The following ERCC6 variants were observed in gnomAD, a reference collection of about 807,000 sequenced individuals.
The protein encoded by ERCC6 is ERCC excision repair 6, chromatin remodeling factor.
ERCC6 carries 116 observed loss-of-function variants against 158.7 expected under a neutral mutation model. The ratio of observed to expected loss-of-function variants is 0.73; its 90% confidence interval spans 0.63 to 0.85. The LOEUF (loss-of-function observed/expected upper bound fraction) is 0.85, where lower values mean the gene tolerates loss of function less well. ERCC6 is among the 40% of genes least tolerant of loss of function. The probability of loss-of-function intolerance (pLI) is 0.00; values close to 1 mark genes in which losing one functional copy is unlikely to be tolerated. For synonymous variants in ERCC6, 678 were observed against 659.3 expected (o/e 1.03, Z -0.43); for missense variants, 1,698 against 1,799.4 (o/e 0.94, Z 1.02).
intron 5 of ERCC6, among the ~76,000 whole-genome samples, chr10:49,511,048 A>G (rs17177522): frequency 0.065 from 9,826 of 152,114 alleles, 432 homozygotes; most frequent in Middle Eastern, 0.11. Context: ...AAAGCTCATC[A>G]TTTTGAACAA....
At chr10:49,472,006 A>C (rs1850789818) in intron 16 of ERCC6, among the ~76,000 whole-genome samples, 1 of 152,250 alleles carries the variant, frequency 6.6e-6, no homozygotes, top group African/African-American at 2.4e-5. Flanking sequence ...CTACCTGCAT[A>C]ATGTGGTATG....
chr10:49,475,544 A>G (rs1255122484), intron 12 of ERCC6: 1 of 363,742 alleles, frequency 2.7e-6, no homozygotes, highest in Non-Finnish European at 5.5e-6. Context: ...AGAGATGGTT[A>G]AAAGAACTGA....
Position 49,458,038 on chromosome 10 carries a change from G to T in ERCC6, c.*777C>A, listed in dbSNP as rs1322256136. On this transcript the variant is annotated 3_prime_UTR_variant, in exon 21 of 21. Coordinates refer to ENST00000355832, the MANE Select transcript of ERCC6 (RefSeq NM_000124.4). ...CTGTGGGCTGCAGTGATGTTTGTGT[G>T]CATGCATGTGTGTGGTTTTTATGTA... 1 of 152,290 alleles carries T rather than the reference G, an allele frequency of 6.6e-6. No individual in the cohort carries two copies. Among genetic ancestry groups the T allele is most frequent in the Non-Finnish European group, 1.5e-5 (1 of 68,088 alleles). 9.4% of individuals were successfully genotyped at this position (152,290 alleles called of 1,614,324 possible). A position where few individuals can be genotyped will look rare whatever the true frequency, so the allele number is the denominator to read the frequency against.
At chr10:49,441,046 G>C in the ERCC6 span, among the ~76,000 whole-genome samples, 1 of 152,348 alleles carries the variant, frequency 6.6e-6, no homozygotes, top group African/African-American at 2.4e-5. Context: ...AGAGAAGTCA[G>C]TTGGAGAAAA....
At chr10:49,518,655 C>T (rs2132607151) in intron 5 of ERCC6, among the ~76,000 whole-genome samples, 1 of 152,236 alleles carries the variant, frequency 6.6e-6, no homozygotes, top group East Asian at 1.9e-4. Context: ...AACAGTCATT[C>T]TACTTGGCTT....
At position 49,458,904 on chromosome 10, in the gene ERCC6, C is replaced by T. The variant is rs201813523; in HGVS notation, c.4393G>A (p.Val1465Ile). The change falls in exon 21 of 21, where the codon GTC becomes ATC. Residue 1465 changes from valine to isoleucine, a missense_variant. Coordinates refer to ENST00000355832, the MANE Select transcript of ERCC6 (RefSeq NM_000124.4). ...AGATTTCTCAATAGTTCTCGGAAGA[C>T]ACAAGACTGTGATGCAGATAACTTG... ...ESKLSASQSC[V>I]FRELLRNLCT... is the part of the protein sequence containing the mutation. 165 of 1,614,150 alleles carry T rather than the reference C, an allele frequency of 1.0e-4. No individual in the cohort carries two copies. The highest frequency in any genetic ancestry group is 2.7e-4 in the Admixed American group (16 of 60,028).
At chr10:49,461,736 A>T (rs1039220137) in intron 18 of ERCC6, among the ~76,000 whole-genome samples, 180 bp from the exon 19 acceptor site, 1 of 152,246 alleles carries the variant, frequency 6.6e-6, no homozygotes, top group Admixed American at 6.5e-5. Context: ...AAAATATAAA[A>T]TTCACACACA....
chr10:49,503,592 C>A (rs1208243792), intron 6 of ERCC6: 1 of 152,062 alleles, frequency 6.6e-6, no homozygotes, highest in Non-Finnish European at 1.5e-5. Context: ...ATATACATAG[C>A]TGGTGTTGCT....
Position 49,528,576 on chromosome 10 carries a change from T to C in ERCC6, c.544-51A>G, listed in dbSNP as rs1286542143. 2.5e-6 allele frequency: 4 copies of C among 1,598,846 alleles called. No individual in the cohort carries two copies. The Admixed American group carries it at 6.8e-5, about 27-fold the overall frequency. On this transcript the variant is annotated intron_variant, in intron 3 of 20. Transcript: ENST00000355832. ...AAAACAGCAATGAAGTGATTTATTG[T>C]TAAATACAAAAGATAGCATTATGAA...
In ERCC6 at chr10:49,493,127, G is replaced by T; in HGVS notation, c.1811C>A (p.Thr604Asn). The change falls in exon 8 of 21, where the codon ACC becomes AAC. Residue 604 changes from threonine to asparagine, a missense_variant. By Grantham distance (65) the Thr-to-Asn change is moderately conservative. Transcript: ENST00000355832. ...GAAATATTGTGTTACCTTTTTGTGGGTATAGGAACCGGTTTCATGTAGAAT... is the reference window on the plus strand; with the variant it reads ...GAAATATTGTGTTACCTTTTTGTGGTTATAGGAACCGGTTTCATGTAGAAT... ...VAILHETGSY[T>N]HKKEKLIRDV... 1 of 1,614,074 alleles carries T rather than the reference G, an allele frequency of 6.2e-7. No homozygotes were observed. The highest frequency in any genetic ancestry group is 8.5e-7 in the Non-Finnish European group (1 of 1,179,988).
rs570265681 is a variant in ERCC6 at position 49,521,660 on chromosome 10, C to T, written c.1397+2373G>A. ...ATGAAAGGGTATGAAAACCAGGGAA[C>T]CCACTGAGGAGTCAGCCTCCAGATA... On this transcript the variant is annotated intron_variant, in intron 5 of 20. Coordinates refer to ENST00000355832, the MANE Select transcript of ERCC6 (RefSeq NM_000124.4). Among the ~76,000 whole-genome samples the T allele has an allele frequency of 2.2e-4, 34 of 152,270 alleles. 1 individual carries two copies. In the East Asian group the frequency reaches 4.2e-3, roughly 19 times the overall value.
intron 5 of ERCC6, chr10:49,516,638 G>A (rs777224849): frequency 4.3e-6 from 7 of 1,614,010 alleles, no homozygotes; most frequent in Non-Finnish European, 5.9e-6. Context: ...TGGAGTACTT[G>A]ACAATGAGTT....
the ERCC6 span, among the ~76,000 whole-genome samples, chr10:49,448,893 T>G: frequency 6.6e-6 from 1 of 152,230 alleles, no homozygotes; most frequent in East Asian, 1.9e-4. Flanking sequence ...TGATGTATAT[T>G]TGAGCTGTTT....
intron 4 of ERCC6, among the ~76,000 whole-genome samples, chr10:49,527,526 A>C (rs754775224): frequency 6.6e-6 from 1 of 152,148 alleles, no homozygotes; most frequent in Non-Finnish European, 1.5e-5. Context: ...AATACAAAAA[A>C]TTAGCTGGGC....
rs1049759130 is a variant in ERCC6, at chr10:49,471,052, G to C, written c.2993C>G (p.Ser998Cys). Reference protein sequence around the residue: ...KDPKQRRFFKSNDLYELFTLT... With the variant: ...KDPKQRRFFKCNDLYELFTLT... ...AGTAAATAGCTCATAGAGATCATTG[G>C]ATTTGAAAAACCGCCTTTGTTTTGG... Residue 998 changes from serine to cysteine, a missense_variant, in exon 17 of 21, where the codon TCC (serine) becomes TGC (cysteine). Physicochemically the swap from Ser to Cys is moderately radical, Grantham distance 112. Coordinates refer to ENST00000355832, the MANE Select transcript of ERCC6 (RefSeq NM_000124.4). The C allele has an allele frequency of 1.2e-6, 2 of 1,613,922 alleles. No homozygotes were observed. The highest frequency in any genetic ancestry group is 1.7e-6 in the Non-Finnish European group (2 of 1,179,978).
chr10:49,504,298 G>A (rs1851406739), intron 6 of ERCC6: 1 of 151,758 alleles, frequency 6.6e-6, no homozygotes. Flanking sequence ...TTTTTGCAGA[G>A]ATTAAAAAAA....
intron 8 of ERCC6, among the ~76,000 whole-genome samples, chr10:49,492,163 T>A (rs1404412434): frequency 2.6e-5 from 4 of 152,204 alleles, no homozygotes; most frequent in Non-Finnish European, 5.9e-5. Flanking sequence ...GTCACTTCTA[T>A]CAAAAGTTTG....
At chr10:49,469,332 T>A (rs1377938154) in intron 18 of ERCC6, among the ~76,000 whole-genome samples, 1 of 152,062 alleles carries the variant, frequency 6.6e-6, no homozygotes, top group Non-Finnish European at 1.5e-5. Context: ...TCCTGATAGA[T>A]GCACTGAGTA....
intron 7 of ERCC6, among the ~76,000 whole-genome samples, chr10:49,497,904 T>C (rs1210734294): frequency 1.3e-5 from 2 of 152,138 alleles, no homozygotes; most frequent in Middle Eastern, 3.2e-3. Flanking sequence ...CAAAGTAAAA[T>C]ATTTATCCTT....
Sources: gnomAD v4.1 joint callset for allele counts (sites outside exome capture counted in the v4.1 genomes callset) on GRCh38, gnomAD v4.1.1 for gene constraint, MANE v1.5 for transcripts, NCBI Gene and HGNC (gene_info 2026-07-23, HGNC 2026-07-21) for gene names.